Variants in IL18BP observed in about 807,000 individuals in gnomAD.
The protein encoded by IL18BP is interleukin-18-binding protein.
In IL18BP, 23 loss-of-function variants were observed where a neutral mutation model predicts 19.9. That is an observed-to-expected ratio of 1.15 (90% confidence interval 0.83 to 1.64). IL18BP has a LOEUF of 1.64. Ranked by LOEUF, IL18BP falls within the 40% of genes most tolerant of loss-of-function variation. IL18BP has a pLI of 0.00. For synonymous variants in IL18BP, 107 were observed against 101.0 expected, an observed-to-expected ratio of 1.06 and a Z score of -0.35; for missense variants, 239 against 240.7, an observed-to-expected ratio of 0.99 and a Z score of 0.05.
downstream of IL18BP, chr11:72,005,147 GGCCCTAGT>G: frequency 1.4e-6 from 2 of 1,396,568 alleles, no homozygotes; most frequent in Non-Finnish European, 1.9e-6. Flanking sequence ...AGTGATCCAG[GGCCCTAGT>G]GCTCAGGCTA....
At position 72,001,710 on chromosome 11, in the gene IL18BP, G is replaced by A. The variant is rs944940088; in HGVS notation, c.508-74G>A. The A allele has an allele frequency of 1.9e-6, 3 of 1,613,150 alleles. No individual in the cohort carries two copies. The South Asian group carries it at 3.3e-5, about 18-fold the overall frequency. On this transcript the variant is annotated intron_variant, in intron 5 of 5. Transcript: ENST00000393703. Reference sequence around the variant, plus strand: ...GGAACTTAGGTCTTGGGCAGAGGAGGTGTAGCCTGGGGCAAAGTGATGAGA... The same window carrying A: ...GGAACTTAGGTCTTGGGCAGAGGAGATGTAGCCTGGGGCAAAGTGATGAGA...
rs930562455 is a variant in IL18BP, at chr11:72,002,650, G to A, written c.*789G>A. The A allele has an allele frequency of 1.2e-5, 2 of 165,756 alleles. No individual in the cohort carries two copies. The highest frequency in any genetic ancestry group is 2.6e-5 in the Non-Finnish European group (2 of 75,868). The allele number at this position is 165,756 out of a possible 1,614,324, so 10.3% of individuals were successfully genotyped here. A position where few individuals can be genotyped will look rare whatever the true frequency, so the allele number is the denominator to read the frequency against. ...GCTGAAGACAACACCTGCTTCAGGG[G>A]AACACAGGCGCTTGAAAAAGAAAAG... On this transcript the variant is annotated 3_prime_UTR_variant, in exon 6 of 6. Coordinates refer to ENST00000393703, the MANE Select transcript of IL18BP (RefSeq NM_001039660.2).
At chr11:71,999,748 T>G in intron 1 of IL18BP, 179 bp from the exon 2 acceptor site, 6 of 547,616 alleles carry the variant, frequency 1.1e-5, no homozygotes, top group Non-Finnish European at 2.0e-5. Context: ...CTTACAACCA[T>G]TTGTGGTCAT....
downstream of IL18BP, chr11:72,007,749 C>A: frequency 2.4e-6 from 1 of 420,364 alleles, no homozygotes; most frequent in Non-Finnish European, 4.4e-6. Context: ...CTTCCTCCTG[C>A]ATCTCCCATT....
Position 71,999,989 on chromosome 11 carries a change from C to T in IL18BP, c.5C>T (p.Thr2Ile). ...CCAGCTCCTGACGCATGCATCATGA[C>T]CATGAGACACAACTGGACACCAGGT... is the stretch of plus-strand genomic sequence containing the variant. M[T>I]MRHNWTPDLS... The change falls in exon 2 of 6, where the codon ACC (threonine) becomes ATC (isoleucine). Residue 2 changes from threonine (T) to isoleucine (I), a missense_variant. By Grantham distance (89) the Thr-to-Ile change is moderately conservative. Transcript: ENST00000393703. 1.9e-6 allele frequency: 3 copies of T among 1,613,922 alleles called. No individual in the cohort carries two copies. The highest frequency in any genetic ancestry group is 2.5e-6 in the Non-Finnish European group (3 of 1,179,822).
At chr11:72,004,167 C>G, downstream of IL18BP, 1 of 1,607,380 alleles carries the variant, frequency 6.2e-7, no homozygotes, top group South Asian at 1.1e-5. Flanking sequence ...CTGTGCCACG[C>G]TCTATCAGCA....
At chr11:72,001,743 C>T (rs764382411) in intron 5 of IL18BP, 41 bp from the exon 6 acceptor site, 2 of 1,613,800 alleles carry the variant, frequency 1.2e-6, no homozygotes, top group Non-Finnish European at 1.7e-6. Context: ...AGATGTCCCT[C>T]CTTTCCTTGG....
At chr11:71,999,602 T>C in intron 1 of IL18BP, 1 of 246,858 alleles carries the variant, frequency 4.1e-6, no homozygotes, top group Non-Finnish European at 8.0e-6. Flanking sequence ...TTGCTCGGCA[T>C]CCTGCCCTTC....
chr11:72,005,222 C>G (rs781702338), downstream of IL18BP: 35 of 1,588,444 alleles, frequency 2.2e-5, no homozygotes, highest in Admixed American at 4.9e-4. Context: ...CACAGTGACC[C>G]CAGGCCTCAC....
chr11:72,004,986 C>T (rs539948952), downstream of IL18BP, among the ~76,000 whole-genome samples: 6 of 152,244 alleles, frequency 3.9e-5, no homozygotes, highest in South Asian at 1.2e-3. Context: ...TCTACCTAAG[C>T]CCTGGGCAAA....
At position 72,000,690 on chromosome 11, in the gene IL18BP, C is replaced by T. The variant is rs981590917; in HGVS notation, c.235+133C>T. ...GCTGGGCTGAGCACGCACCATTCTCCCTCCCCAACCCAGTGTCATGGGTGC... is the reference window on the plus strand; with the variant it reads ...GCTGGGCTGAGCACGCACCATTCTCTCTCCCCAACCCAGTGTCATGGGTGC... On this transcript the variant is annotated intron_variant, in intron 3 of 5. Coordinates refer to ENST00000393703, the MANE Select transcript of IL18BP (RefSeq NM_001039660.2). 12 of 707,290 alleles carry T rather than the reference C, an allele frequency of 1.7e-5. No homozygotes were observed. The African/African-American group carries it at 1.9e-4, about 11-fold the overall frequency. 43.8% of individuals were successfully genotyped at this position (707,290 alleles called of 1,614,324 possible). A position where few individuals can be genotyped will look rare whatever the true frequency, so the allele number is the denominator to read the frequency against.
At position 72,001,530 on chromosome 11, in the gene IL18BP, A is replaced by C; in HGVS notation, c.485A>C (p.His162Pro). Residue 162 changes from histidine (H) to proline (P), a missense_variant, in exon 5 of 6, where the codon CAC (histidine) becomes CCC (proline). Coordinates refer to ENST00000393703, the MANE Select transcript of IL18BP (RefSeq NM_001039660.2). Reference sequence around the variant, plus strand: ...GACCCTGAACAGGTTGTCCAGCGTCACGTCGTCCTGGCCCAGCTCTGGGTG... The same window carrying C: ...GACCCTGAACAGGTTGTCCAGCGTCCCGTCGTCCTGGCCCAGCTCTGGGTG... ...LVDPEQVVQR[H>P]VVLAQLWAGL... 5 of 1,613,248 alleles carry C rather than the reference A, an allele frequency of 3.1e-6. No individual in the cohort carries two copies. The highest frequency in any genetic ancestry group is 3.4e-6 in the Non-Finnish European group (4 of 1,179,620).
At chr11:72,005,245 G>C (rs761751128), downstream of IL18BP, 15 of 1,598,826 alleles carry the variant, frequency 9.4e-6, no homozygotes, top group African/African-American at 1.8e-4. Flanking sequence ...TGGACTCCAG[G>C]GGATAGCAGG....
chr11:71,999,217 G>T, intron 1 of IL18BP, 198 bp downstream of exon 1: 1 of 488,196 alleles, frequency 2.0e-6, no homozygotes, highest in South Asian at 1.5e-5. Context: ...GTCCAACTTG[G>T]GGTTCCCCAG....
chr11:72,003,834 G>A (rs1331750116), downstream of IL18BP: 1 of 1,579,034 alleles, frequency 6.3e-7, no homozygotes, highest in Non-Finnish European at 8.7e-7. Context: ...GCGGTCTGGG[G>A]GGTGCCCATG....
intron 2 of IL18BP, 54 bp downstream of exon 2, chr11:72,000,066 G>A (rs1955129823): frequency 1.3e-6 from 2 of 1,595,622 alleles, no homozygotes; most frequent in Non-Finnish European, 1.7e-6. Context: ...TCTATGAACA[G>A]AATGGAGCAA....
At chr11:72,006,941 G>T (rs1282016049), downstream of IL18BP, among the ~76,000 whole-genome samples, 1 of 152,240 alleles carries the variant, frequency 6.6e-6, no homozygotes, top group African/African-American at 2.4e-5. Flanking sequence ...ACCCTGCACA[G>T]GCTCAGTGCT....
chr11:72,004,162 C>A, downstream of IL18BP: 1 of 1,602,928 alleles, frequency 6.2e-7, no homozygotes, highest in South Asian at 1.1e-5. Context: ...GCGTGCTGTG[C>A]CACGCTCTAT....
downstream of IL18BP, chr11:72,006,297 G>A (rs773987753): frequency 6.3e-7 from 1 of 1,587,372 alleles, no homozygotes; most frequent in Admixed American, 1.7e-5. Context: ...GCAGTGTACA[G>A]TCCCTGGCAC....
Sources: allele counts gnomAD v4.1 joint callset (sites outside exome capture counted in the v4.1 genomes callset), GRCh38; gene constraint gnomAD v4.1.1; transcripts MANE v1.5; gene names NCBI Gene and HGNC (gene_info 2026-07-23, HGNC 2026-07-21).